The following CNTN5 variants were observed in gnomAD, a reference collection of about 807,000 sequenced individuals.
CNTN5 encodes contactin-5.
Under a neutral mutation model 129.1 loss-of-function variants are expected in CNTN5, and 77 were observed. The observed-to-expected ratio is 0.60, with a 90% CI of 0.50 to 0.72. The LOEUF (loss-of-function observed/expected upper bound fraction) is 0.72, where lower values mean the gene tolerates loss of function less well. CNTN5 is among the 30% of genes least tolerant of loss of function. The probability of loss-of-function intolerance (pLI) is 0.00; values close to 1 mark genes in which losing one functional copy is unlikely to be tolerated. For missense variants in CNTN5, 1,478 were observed against 1,328.8 expected, an observed-to-expected ratio of 1.11 and a Z score of -1.75; for synonymous variants, 509 against 465.6, an observed-to-expected ratio of 1.09 and a Z score of -1.20.
intron 7 of CNTN5, among the ~76,000 whole-genome samples, chr11:99,948,999 C>T (rs912943607): frequency 5.9e-5 from 9 of 152,180 alleles, no homozygotes; most frequent in African/African-American, 1.7e-4. Context: ...CTTCTTTTGC[C>T]TCACTTACCA....
intron 3 of CNTN5, among the ~76,000 whole-genome samples, chr11:99,574,156 T>G (rs1949270250): frequency 6.6e-6 from 1 of 152,150 alleles, no homozygotes; most frequent in East Asian, 1.9e-4. Context: ...ACGTGCAGTG[T>G]TTTCTTTTCT....
chr11:99,944,679 A>G (rs1442985816), intron 7 of CNTN5, among the ~76,000 whole-genome samples: 1 of 152,122 alleles, frequency 6.6e-6, no homozygotes, highest in Non-Finnish European at 1.5e-5. Flanking sequence ...AGGATACAAA[A>G]TCAATGTGCA....
At chr11:100,252,860 T>C (rs1260417586) in intron 16 of CNTN5, among the ~76,000 whole-genome samples, 2 of 152,152 alleles carry the variant, frequency 1.3e-5, no homozygotes, top group Middle Eastern at 3.2e-3. Context: ...TCTTTTCCTA[T>C]AAAAAGCATT....
chr11:99,786,234 A>G (rs1945518739), intron 3 of CNTN5, among the ~76,000 whole-genome samples: 1 of 152,188 alleles, frequency 6.6e-6, no homozygotes, highest in Non-Finnish European at 1.5e-5. Flanking sequence ...GAGCCTAATC[A>G]TTAGTGAACT....
chr11:99,279,919 A>T (rs570937586), intron 1 of CNTN5, among the ~76,000 whole-genome samples: 1 of 151,498 alleles, frequency 6.6e-6, no homozygotes, highest in Non-Finnish European at 1.5e-5. Flanking sequence ...TGTCTGCGTC[A>T]TGGGGAAAGA....
intron 3 of CNTN5, among the ~76,000 whole-genome samples, chr11:99,717,787 T>C (rs965256368): frequency 6.6e-6 from 1 of 152,116 alleles, no homozygotes; most frequent in African/African-American, 2.4e-5. Context: ...ATAACTTACA[T>C]GGCACATAAA....
intron 8 of CNTN5, among the ~76,000 whole-genome samples, chr11:99,986,456 C>A (rs958422025): frequency 2.0e-5 from 3 of 152,166 alleles, no homozygotes; most frequent in Admixed American, 2.0e-4. Flanking sequence ...CCACTAATTA[C>A]AAATAATAAA....
chr11:99,916,758 T>C (rs1424510469), intron 7 of CNTN5, among the ~76,000 whole-genome samples: 1 of 152,162 alleles, frequency 6.6e-6, no homozygotes, highest in African/African-American at 2.4e-5. Context: ...CACCTAATTA[T>C]ATCTATTTTG....
intron 2 of CNTN5, among the ~76,000 whole-genome samples, chr11:99,406,623 T>C (rs1292928377): frequency 6.6e-6 from 1 of 152,164 alleles, no homozygotes; most frequent in Non-Finnish European, 1.5e-5. Context: ...GCCAGTCCTA[T>C]GTCCTTCCCT....
At chr11:99,792,813 G>T (rs1227429589) in intron 3 of CNTN5, among the ~76,000 whole-genome samples, 3 of 152,036 alleles carry the variant, frequency 2.0e-5, no homozygotes, top group Non-Finnish European at 2.9e-5. Flanking sequence ...ACTCTTTATT[G>T]TTCTGTTCAG....
intron 1 of CNTN5, among the ~76,000 whole-genome samples, chr11:99,057,449 A>G (rs1313868169): frequency 1.3e-5 from 2 of 151,858 alleles, no homozygotes; most frequent in African/African-American, 4.8e-5. Flanking sequence ...TAACAACACT[A>G]GGACAATGTT....
At chr11:99,292,988 G>T (rs376057530) in intron 1 of CNTN5, among the ~76,000 whole-genome samples, 8 of 152,232 alleles carry the variant, frequency 5.3e-5, no homozygotes, top group African/African-American at 1.9e-4. Flanking sequence ...GCACTTAATA[G>T]GCCCCCCTTT....
At chr11:99,820,476 A>G (rs547212820) in intron 4 of CNTN5, among the ~76,000 whole-genome samples, 1 of 152,426 alleles carries the variant, frequency 6.6e-6, no homozygotes, top group Admixed American at 6.5e-5. Context: ...GTTAAATTAA[A>G]GACTGCTCTA....
intron 3 of CNTN5, among the ~76,000 whole-genome samples, chr11:99,754,703 A>G (rs1944352733): frequency 6.6e-6 from 1 of 152,134 alleles, no homozygotes; most frequent in Non-Finnish European, 1.5e-5. Flanking sequence ...CCTCCCTATC[A>G]TTGACATCCC....
intron 13 of CNTN5, among the ~76,000 whole-genome samples, chr11:100,140,532 G>A (rs1405349475): frequency 1.3e-5 from 2 of 152,114 alleles, no homozygotes; most frequent in African/African-American, 2.4e-5. Context: ...TGAACTAGAA[G>A]GATGGAGTTG....
intron 2 of CNTN5, among the ~76,000 whole-genome samples, chr11:99,531,558 C>T (rs78675980): frequency 0.01 from 1,562 of 152,288 alleles, 17 homozygotes; most frequent in Non-Finnish European, 0.017. Flanking sequence ...TTCATAGCAG[C>T]GCCTCCCATC....
chr11:99,534,679 A>T (rs1352331798), intron 2 of CNTN5, among the ~76,000 whole-genome samples: 1 of 152,184 alleles, frequency 6.6e-6, no homozygotes, highest in Non-Finnish European at 1.5e-5. Flanking sequence ...TTGCTGTACA[A>T]GTTGTGACAT....
chr11:99,078,592 T>C (rs1414213772), intron 1 of CNTN5, among the ~76,000 whole-genome samples: 3 of 152,208 alleles, frequency 2.0e-5, no homozygotes, highest in Non-Finnish European at 4.4e-5. Context: ...ATACACACAA[T>C]GAAGTACTAT....
intron 3 of CNTN5, among the ~76,000 whole-genome samples, chr11:99,756,613 G>A (rs1011340825): frequency 2.6e-5 from 4 of 152,048 alleles, no homozygotes; most frequent in African/African-American, 9.7e-5. Context: ...CAGACTTGCT[G>A]TGGTAAGATC....
Sources: gnomAD v4.1 joint callset for allele counts (sites outside exome capture counted in the v4.1 genomes callset) on GRCh38, gnomAD v4.1.1 for gene constraint, MANE v1.5 for transcripts, NCBI Gene and HGNC (gene_info 2026-07-23, HGNC 2026-07-21) for gene names.